The following NRXN3 variants were observed in gnomAD, a reference collection of about 807,000 sequenced individuals.
NRXN3 encodes neurexin 3.
Under a neutral mutation model 137.6 loss-of-function variants are expected in NRXN3, and 32 were observed. The ratio of observed to expected loss-of-function variants is 0.23; its 90% confidence interval spans 0.18 to 0.31. NRXN3 has a LOEUF of 0.31. Among genes scored for constraint, NRXN3 ranks in the 10% least tolerant of loss-of-function variants. NRXN3 has a pLI of 1.00. For synonymous variants in NRXN3, 798 were observed against 784.5 expected, an observed-to-expected ratio of 1.02 and a Z score of -0.29; for missense variants, 1,574 against 2,062.5, an observed-to-expected ratio of 0.76 and a Z score of 4.59.
chr14:79,693,529 A>G (rs1420696693), intron 18 of NRXN3, among the ~76,000 whole-genome samples: 1 of 151,986 alleles, frequency 6.6e-6, no homozygotes, highest in Non-Finnish European at 1.5e-5. Flanking sequence ...AAACAGGAAA[A>G]GCAAACTAGA....
intron 16 of NRXN3, among the ~76,000 whole-genome samples, chr14:79,506,338 T>G (rs1206452997): frequency 6.6e-6 from 1 of 152,148 alleles, no homozygotes; most frequent in Non-Finnish European, 1.5e-5. Flanking sequence ...TACACAAAAC[T>G]ACACAGAATT....
intron 4 of NRXN3, among the ~76,000 whole-genome samples, chr14:78,429,324 C>T (rs1381608358): frequency 1.3e-5 from 2 of 152,062 alleles, no homozygotes; most frequent in Non-Finnish European, 2.9e-5. Flanking sequence ...AGCAATCCAC[C>T]CGCCTCGGCC....
intron 19 of NRXN3, among the ~76,000 whole-genome samples, chr14:79,727,956 GAC>G (rs1366182582): frequency 6.6e-6 from 1 of 152,130 alleles, no homozygotes; most frequent in African/African-American, 2.4e-5. Flanking sequence ...GTGCAAATCA[GAC>G]ACAGAAATTC....
intron 15 of NRXN3, among the ~76,000 whole-genome samples, chr14:79,275,855 G>C (rs2080210446): frequency 6.6e-6 from 1 of 152,054 alleles, no homozygotes; most frequent in African/African-American, 2.4e-5. Flanking sequence ...AAAGAGTATG[G>C]TTAGGATTCC....
At position 79,134,351 on chromosome 14, in the gene NRXN3, T is replaced by C. The variant is rs576902874; in HGVS notation, c.3262+146210T>C. 5.3e-5 allele frequency among the ~76,000 whole-genome samples: 8 copies of C among 152,348 alleles called. 1 individual carries two copies. In the South Asian group the frequency reaches 1.4e-3, roughly 28 times the overall value. On this transcript the variant is annotated intron_variant, in intron 15 of 20. Transcript: ENST00000335750. ...TGCTGTGTAATGTTATGGAATATGATTCTCAATTAGGAAACTTGAACGAAG... is the reference window on the plus strand; with the variant it reads ...TGCTGTGTAATGTTATGGAATATGACTCTCAATTAGGAAACTTGAACGAAG...
intron 7 of NRXN3, chr14:78,709,932 A>G (rs1262104703): frequency 7.2e-6 from 3 of 418,300 alleles, no homozygotes; most frequent in Non-Finnish European, 1.3e-5. Flanking sequence ...TAGCATTTCC[A>G]CTGCTACCAG....
At chr14:79,732,081 T>G (rs2098925927) in intron 19 of NRXN3, among the ~76,000 whole-genome samples, 1 of 152,194 alleles carries the variant, frequency 6.6e-6, no homozygotes, top group Non-Finnish European at 1.5e-5. Context: ...TTGTGCCCGT[T>G]CTTCCTCTTT....
intron 4 of NRXN3, among the ~76,000 whole-genome samples, chr14:78,482,732 T>A (rs2095494333): frequency 6.6e-6 from 1 of 152,234 alleles, no homozygotes; most frequent in South Asian, 2.1e-4. Flanking sequence ...CTTCTGGATT[T>A]GTTCCTGTGG....
chr14:79,364,622 A>C (rs564489866), intron 15 of NRXN3, among the ~76,000 whole-genome samples: 2 of 152,222 alleles, frequency 1.3e-5, no homozygotes, highest in Non-Finnish European at 2.9e-5. Context: ...CTTTGCAAGT[A>C]CATAATAATA....
chr14:79,258,667 A>G (rs2077119486), intron 15 of NRXN3, among the ~76,000 whole-genome samples: 1 of 152,202 alleles, frequency 6.6e-6, no homozygotes, highest in Non-Finnish European at 1.5e-5. Flanking sequence ...CCAGTTTTAT[A>G]TGGAAGAGAA....
chr14:78,854,284 G>A (rs1230315706), intron 10 of NRXN3, among the ~76,000 whole-genome samples: 2 of 152,178 alleles, frequency 1.3e-5, no homozygotes, highest in African/African-American at 4.8e-5. Flanking sequence ...TTAACAGTTA[G>A]TCATAATTTT....
chr14:78,719,236 A>G (rs1256830841), intron 8 of NRXN3, among the ~76,000 whole-genome samples: 1 of 152,232 alleles, frequency 6.6e-6, no homozygotes, highest in Non-Finnish European at 1.5e-5. Flanking sequence ...TCCCAATGTC[A>G]AGAAAAATAA....
At chr14:78,616,352 C>T (rs1179601885) in intron 4 of NRXN3, among the ~76,000 whole-genome samples, 9 of 152,148 alleles carry the variant, frequency 5.9e-5, no homozygotes, top group Admixed American at 3.9e-4. Context: ...CTCTTTTCTG[C>T]TCTCCCTCCC....
At chr14:78,902,376 T>C (rs1331513597) in intron 10 of NRXN3, among the ~76,000 whole-genome samples, 1 of 152,134 alleles carries the variant, frequency 6.6e-6, no homozygotes, top group African/African-American at 2.4e-5. Flanking sequence ...CATATTTGTT[T>C]GATTTCAAAT....
chr14:79,599,614 A>C (rs1411225057), intron 16 of NRXN3, among the ~76,000 whole-genome samples: 3 of 152,256 alleles, frequency 2.0e-5, no homozygotes, highest in Non-Finnish European at 2.9e-5. Context: ...TAATAACAAC[A>C]ATAATGAATA....
At chr14:78,942,508 A>C (rs183179934) in intron 10 of NRXN3, among the ~76,000 whole-genome samples, 28 of 152,340 alleles carry the variant, frequency 1.8e-4, no homozygotes, top group Admixed American at 1.1e-3. Context: ...GGACCTAAAA[A>C]TTTGCCAAAT....
intron 4 of NRXN3, among the ~76,000 whole-genome samples, chr14:78,412,543 A>G (rs142579225): frequency 5.9e-4 from 90 of 152,312 alleles, no homozygotes; most frequent in South Asian, 2.5e-3. Context: ...ACATTTTGCA[A>G]TACCCTAGAA....
intron 4 of NRXN3, among the ~76,000 whole-genome samples, chr14:78,628,913 A>G (rs969081416): frequency 2.6e-5 from 4 of 152,354 alleles, no homozygotes; most frequent in South Asian, 2.1e-4. Flanking sequence ...GGTTGGAGTT[A>G]TACCCAATTC....
intron 15 of NRXN3, among the ~76,000 whole-genome samples, chr14:79,375,163 G>T (rs759889410): frequency 6.7e-4 from 102 of 151,152 alleles, no homozygotes; most frequent in Non-Finnish European, 1.4e-3. Context: ...GAGAAGAGGG[G>T]TTAAAACCTG....
Sources: allele counts gnomAD v4.1 joint callset (sites outside exome capture counted in the v4.1 genomes callset), GRCh38; gene constraint gnomAD v4.1.1; transcripts MANE v1.5; gene names NCBI Gene and HGNC (gene_info 2026-07-23, HGNC 2026-07-21).